FARS2: variants seen among roughly 807,000 people sequenced by gnomAD.
FARS2 encodes the protein phenylalanyl-tRNA synthetase 2, mitochondrial.
FARS2 carries 40 observed loss-of-function variants against 46.4 expected under a neutral mutation model. The ratio of observed to expected loss-of-function variants is 0.86; its 90% confidence interval spans 0.67 to 1.12. The LOEUF (loss-of-function observed/expected upper bound fraction) is 1.12. FARS2 is among the 50% of genes most tolerant of loss of function. The probability of loss-of-function intolerance (pLI) is 0.00; values close to 1 mark genes in which losing one functional copy is unlikely to be tolerated. For synonymous variants in FARS2, 234 were observed against 214.9 expected (o/e 1.09, Z -0.78); for missense variants, 513 against 567.9 (o/e 0.90, Z 0.98).
chr6:5,347,490 G>A (rs1757313005), intron 1 of FARS2, among the ~76,000 whole-genome samples: 1 of 152,072 alleles, frequency 6.6e-6, no homozygotes, highest in South Asian at 2.1e-4. Flanking sequence ...CATCCACGTT[G>A]TGTGTATAGT....
chr6:5,365,317 C>CTTTTT (rs61097603), intron 1 of FARS2, among the ~76,000 whole-genome samples: 744 of 42,504 alleles, frequency 0.018, 221 homozygotes, highest in East Asian at 0.043. Flanking sequence ...AGTATACTTT[C>CTTTTT]TTTTTTTTTT....
intron 5 of FARS2, among the ~76,000 whole-genome samples, chr6:5,557,118 G>A (rs1032125583): frequency 2.6e-5 from 4 of 152,120 alleles, no homozygotes; most frequent in Non-Finnish European, 4.4e-5. Flanking sequence ...AAGAAAGGTC[G>A]TATCAATTAA....
intron 4 of FARS2, among the ~76,000 whole-genome samples, chr6:5,532,008 G>C (rs1769871735): frequency 6.6e-6 from 1 of 152,146 alleles, no homozygotes; most frequent in Non-Finnish European, 1.5e-5. Context: ...CACTCAGTAG[G>C]TTTGTGTGTA....
chr6:5,453,723 T>G (rs1395404214), intron 4 of FARS2, among the ~76,000 whole-genome samples: 1 of 152,238 alleles, frequency 6.6e-6, no homozygotes, highest in Non-Finnish European at 1.5e-5. Context: ...CTCCTGTGTG[T>G]GTGGCAGGTT....
chr6:5,700,332 T>C (rs1582793797), intron 6 of FARS2, among the ~76,000 whole-genome samples: 2 of 152,320 alleles, frequency 1.3e-5, no homozygotes, highest in East Asian at 3.9e-4. Flanking sequence ...AAGAATATGC[T>C]TGTTTCATTG....
intron 1 of FARS2, among the ~76,000 whole-genome samples, chr6:5,323,575 G>T (rs963689475): frequency 6.6e-6 from 1 of 152,130 alleles, no homozygotes; most frequent in Non-Finnish European, 1.5e-5. Context: ...TGACAATTAG[G>T]ATGTAAAGGA....
At chr6:5,344,231 T>C in intron 1 of FARS2, among the ~76,000 whole-genome samples, 1 of 152,152 alleles carries the variant, frequency 6.6e-6, no homozygotes, top group South Asian at 2.1e-4. Flanking sequence ...CCTCATCACC[T>C]GTGGGCGTAT....
chr6:5,744,257 C>T (rs1761519314), intron 6 of FARS2, among the ~76,000 whole-genome samples: 2 of 152,172 alleles, frequency 1.3e-5, no homozygotes, highest in Non-Finnish European at 2.9e-5. Flanking sequence ...AGAGACCAAG[C>T]CAGAACCACT....
chr6:5,568,600 A>G (rs2150554017), intron 5 of FARS2, among the ~76,000 whole-genome samples: 1 of 152,284 alleles, frequency 6.6e-6, no homozygotes, highest in East Asian at 1.9e-4. Context: ...AAAGTCCTGG[A>G]GGCGTGAGAC....
chr6:5,392,777 T>C (rs1055761740), intron 2 of FARS2, among the ~76,000 whole-genome samples: 7 of 147,564 alleles, frequency 4.7e-5, no homozygotes, highest in African/African-American at 1.5e-4. Context: ...CACATGTATA[T>C]ATATGTGTGT....
chr6:5,380,971 A>T (rs1468438807), intron 2 of FARS2, among the ~76,000 whole-genome samples: 1 of 119,150 alleles, frequency 8.4e-6, no homozygotes. Context: ...CATTATAGCA[A>T]TTATTTATTT....
At chr6:5,434,254 T>G (rs1043149918) in intron 4 of FARS2, among the ~76,000 whole-genome samples, 1 of 151,984 alleles carries the variant, frequency 6.6e-6, no homozygotes, top group African/African-American at 2.4e-5. Context: ...TGGGATTACA[T>G]GCACCCTCCA....
At chr6:5,383,455 C>T (rs541456989) in intron 2 of FARS2, among the ~76,000 whole-genome samples, 1 of 152,266 alleles carries the variant, frequency 6.6e-6, no homozygotes. Flanking sequence ...TTTGAGCTAG[C>T]GAAACGAGAG....
chr6:5,413,492 G>T (rs904435852), intron 3 of FARS2, among the ~76,000 whole-genome samples: 1 of 152,050 alleles, frequency 6.6e-6, no homozygotes, highest in African/African-American at 2.4e-5. Context: ...TAAGATTTAG[G>T]GAGAGAGGGA....
rs1445115531 is a variant in FARS2, at chr6:5,545,354, C to T, written c.1065+14C>T. ...GTGAAGTTTCAGGTAAGATGACTTG[C>T]AAGAACTGAATAGATAATAATAAAA... On this transcript the variant is annotated intron_variant, in intron 5 of 6. Coordinates refer to ENST00000274680, the MANE Select transcript of FARS2 (RefSeq NM_006567.5). The T allele has an allele frequency of 3.7e-6, 6 of 1,608,284 alleles. No homozygotes were observed. Among genetic ancestry groups the T allele is most frequent in the East Asian group, 2.2e-5 (1 of 44,842 alleles).
At chr6:5,353,717 A>T (rs1409519201) in intron 1 of FARS2, among the ~76,000 whole-genome samples, 2 of 82,572 alleles carry the variant, frequency 2.4e-5, no homozygotes, top group African/African-American at 8.8e-5. Flanking sequence ...TTAAATTGTA[A>T]TATTTGGTGT....
chr6:5,723,676 C>T (rs770942628), intron 6 of FARS2, among the ~76,000 whole-genome samples: 2 of 152,254 alleles, frequency 1.3e-5, no homozygotes, highest in South Asian at 2.1e-4. Flanking sequence ...TTTTGTTTTG[C>T]GTGTGAGGAA....
rs397514610 is a variant in FARS2 at position 5,369,001 on chromosome 6, A to G, written c.431A>G (p.Tyr144Cys). The change falls in exon 2 of 7, where the codon TAT (tyrosine) becomes TGT (cysteine). Residue 144 changes from tyrosine (Y) to cysteine (C), a missense_variant. By Grantham distance (194) the Tyr-to-Cys change is radical. Coordinates refer to ENST00000274680, the MANE Select transcript of FARS2 (RefSeq NM_006567.5). The part of the protein sequence containing the change: ...DHPSRKKGDN[Y>C]YLNRTHMLRA... ...CCCAGCAGGAAGAAGGGGGACAACT[A>G]TTACCTGAATCGGACTCACATGCTG... The G allele has an allele frequency of 4.3e-6, 7 of 1,614,150 alleles. No homozygotes were observed. The highest frequency in any genetic ancestry group is 1.6e-4 in the Middle Eastern group (1 of 6,062).
intron 1 of FARS2, among the ~76,000 whole-genome samples, chr6:5,272,674 G>C (rs904943770): frequency 2.6e-5 from 4 of 151,000 alleles, no homozygotes; most frequent in African/African-American, 9.9e-5. Flanking sequence ...CATTCAAATT[G>C]TTTTCTTCTA....
Sources: gnomAD v4.1 joint callset for allele counts (sites outside exome capture counted in the v4.1 genomes callset) on GRCh38, gnomAD v4.1.1 for gene constraint, MANE v1.5 for transcripts, NCBI Gene and HGNC (gene_info 2026-07-23, HGNC 2026-07-21) for gene names.